The following ANKS1B variants were observed in gnomAD, a reference collection of about 807,000 sequenced individuals.
ANKS1B encodes the protein ankyrin repeat and sterile alpha motif domain containing 1B, also known as ankyrin repeat and sterile alpha motif domain-containing protein 1B.
Under a neutral mutation model 148.3 loss-of-function variants are expected in ANKS1B, and 36 were observed. The ratio of observed to expected loss-of-function variants is 0.24; its 90% confidence interval spans 0.19 to 0.32. ANKS1B has a LOEUF of 0.32. Among genes scored for constraint, ANKS1B ranks in the 10% least tolerant of loss-of-function variants. The pLI is 1.00. For synonymous variants in ANKS1B, 542 were observed against 560.8 expected (o/e 0.97, Z 0.47); for missense variants, 1,157 against 1,542.6 (o/e 0.75, Z 4.19).
chr12:99,780,492 A>G (rs34692961), intron 5 of ANKS1B, among the ~76,000 whole-genome samples: 1 of 151,434 alleles, frequency 6.6e-6, no homozygotes, highest in Non-Finnish European at 1.5e-5. Context: ...CTGTGTTAGC[A>G]AGGATGGTCT....
chr12:99,475,823 AT>A (rs919418386), intron 10 of ANKS1B, among the ~76,000 whole-genome samples: 2 of 152,042 alleles, frequency 1.3e-5, no homozygotes, highest in African/African-American at 4.8e-5. Flanking sequence ...AATATATAGA[AT>A]TTTATAAATA....
intron 12 of ANKS1B, among the ~76,000 whole-genome samples, chr12:99,363,088 T>C (rs752032754): frequency 5.5e-4 from 84 of 152,190 alleles, no homozygotes; most frequent in Non-Finnish European, 1.0e-3. Flanking sequence ...GCAAATTTTT[T>C]TCATTACCTC....
At position 99,587,699 on chromosome 12, in the gene ANKS1B, G is replaced by A. The variant is rs373746100; in HGVS notation, c.1272+67368C>T. Among the ~76,000 whole-genome samples, 278 of 152,160 alleles carry A rather than the reference G, an allele frequency of 1.8e-3. 2 individuals carry two copies. Among genetic ancestry groups the A allele is most frequent in the African/African-American group, 6.5e-3 (269 of 41,498 alleles). On this transcript the variant is annotated intron_variant, in intron 9 of 26. Coordinates refer to ENST00000683438, the MANE Select transcript of ANKS1B (RefSeq NM_001352186.2). ...TACTGCCTCAATACAATTTAGGGGC[G>A]AATATAAAAAGTTTCACATTTGTAC...
intron 24 of ANKS1B, among the ~76,000 whole-genome samples, chr12:98,774,131 C>T (rs2098640870): frequency 6.6e-6 from 1 of 152,222 alleles, no homozygotes; most frequent in Non-Finnish European, 1.5e-5. Flanking sequence ...ATTAACAACA[C>T]TTTCCTAACT....
intron 12 of ANKS1B, among the ~76,000 whole-genome samples, chr12:99,290,800 A>G (rs2079857990): frequency 1.3e-5 from 2 of 152,108 alleles, no homozygotes; most frequent in Non-Finnish European, 2.9e-5. Context: ...TATATGACAG[A>G]CTCACAGCTA....
In ANKS1B at chr12:98,945,505, C is replaced by CAA. The variant is rs3051086; in HGVS notation, c.2778+107650_2778+107651dup. Among the ~76,000 whole-genome samples the CAA allele has an allele frequency of 4.4e-3, 132 of 30,190 alleles. 1 individual carries two copies. The highest frequency in any genetic ancestry group is 5.4e-3 in the African/African-American group (50 of 9,188). The allele number at this position is 30,190 out of a possible 152,430, so 19.8% of individuals were successfully genotyped here. A position where few individuals can be genotyped will look rare whatever the true frequency, so the allele number is the denominator to read the frequency against. ...GCCAGACCCTGTCTCAACAAACAAA[C>CAA]AAAAAAAAAAAAAAAAAAAAAAAAA... On this transcript the variant is annotated intron_variant, in intron 17 of 26. Transcript: ENST00000683438.
chr12:99,323,115 A>G (rs919902529), intron 12 of ANKS1B, among the ~76,000 whole-genome samples: 1 of 152,162 alleles, frequency 6.6e-6, no homozygotes, highest in Non-Finnish European at 1.5e-5. Context: ...TTATCCTCCA[A>G]AAAGTTTCTA....
At chr12:99,453,948 G>A (rs2095802239) in intron 10 of ANKS1B, among the ~76,000 whole-genome samples, 1 of 152,168 alleles carries the variant, frequency 6.6e-6, no homozygotes, top group African/African-American at 2.4e-5. Context: ...TAGGTTATAG[G>A]CAGAAAGAGA....
At chr12:99,914,426 CAA>C (rs2094105769) in intron 1 of ANKS1B, among the ~76,000 whole-genome samples, 1 of 152,114 alleles carries the variant, frequency 6.6e-6, no homozygotes, top group African/African-American at 2.4e-5. Context: ...GTAATCAAAA[CAA>C]AGATTTTGGA....
rs189496086 is a variant in ANKS1B at position 99,612,761 on chromosome 12, C to A, written c.1272+42306G>T. ...CAATATAATAAAAACCAGCTGTGTT[C>A]CACCTGAAACATTAAAACATTATTC... On this transcript the variant is annotated intron_variant, in intron 9 of 26. Transcript: ENST00000683438. Among the ~76,000 whole-genome samples the A allele has an allele frequency of 2.6e-3, 391 of 152,176 alleles. 5 individuals are homozygous for A. The highest frequency in any genetic ancestry group is 4.4e-3 in the Non-Finnish European group (302 of 68,012).
intron 8 of ANKS1B, among the ~76,000 whole-genome samples, chr12:99,728,573 G>C (rs546535558): frequency 6.6e-6 from 1 of 152,040 alleles, no homozygotes; most frequent in East Asian, 1.9e-4. Flanking sequence ...ATGGCAATTC[G>C]TCAAGGATCT....
chr12:99,418,805 G>A (rs1418576713), intron 11 of ANKS1B, among the ~76,000 whole-genome samples: 1 of 152,058 alleles, frequency 6.6e-6, no homozygotes, highest in Non-Finnish European at 1.5e-5. Context: ...TCTTCATCAA[G>A]TTGAGAAAAT....
At chr12:99,000,517 C>T (rs939727569) in intron 17 of ANKS1B, among the ~76,000 whole-genome samples, 3 of 152,090 alleles carry the variant, frequency 2.0e-5, no homozygotes, top group African/African-American at 7.2e-5. Flanking sequence ...GATCCTCCTG[C>T]CTTGGCCTCC....
intron 1 of ANKS1B, among the ~76,000 whole-genome samples, chr12:99,874,720 C>A: frequency 6.6e-6 from 1 of 152,186 alleles, no homozygotes; most frequent in East Asian, 1.9e-4. Flanking sequence ...CTGCTCCAGA[C>A]AGGCCTGGTG....
At chr12:99,293,074 C>A (rs1367158591) in intron 12 of ANKS1B, among the ~76,000 whole-genome samples, 1 of 152,140 alleles carries the variant, frequency 6.6e-6, no homozygotes, top group Non-Finnish European at 1.5e-5. Flanking sequence ...CAGTAGTATT[C>A]ACAATAGTAA....
chr12:99,308,904 G>C (rs1467093232), intron 12 of ANKS1B, among the ~76,000 whole-genome samples: 1 of 148,596 alleles, frequency 6.7e-6, no homozygotes, highest in African/African-American at 2.5e-5. Flanking sequence ...AATATATATA[G>C]TATATATGTA....
At chr12:99,410,784 G>A (rs1169339292) in intron 11 of ANKS1B, among the ~76,000 whole-genome samples, 2 of 152,328 alleles carry the variant, frequency 1.3e-5, no homozygotes, top group East Asian at 3.9e-4. Context: ...AACATAAAAA[G>A]GTAGGACCCC....
intron 17 of ANKS1B, among the ~76,000 whole-genome samples, chr12:98,864,058 C>G (rs1333167292): frequency 6.6e-6 from 1 of 151,916 alleles, no homozygotes; most frequent in Non-Finnish European, 1.5e-5. Context: ...CTCCAAGACT[C>G]TGTTCCTTGA....
intron 12 of ANKS1B, among the ~76,000 whole-genome samples, chr12:99,315,561 G>A (rs535143859): frequency 2.0e-4 from 30 of 151,858 alleles, no homozygotes; most frequent in African/African-American, 6.5e-4. Context: ...TTTTCTATAA[G>A]TTTTATTAAT....
Sources: gnomAD v4.1 joint callset for allele counts (sites outside exome capture counted in the v4.1 genomes callset) on GRCh38, gnomAD v4.1.1 for gene constraint, MANE v1.5 for transcripts, NCBI Gene and HGNC (gene_info 2026-07-23, HGNC 2026-07-21) for gene names.